Variants in CCNY observed in about 807,000 individuals in gnomAD.
CCNY encodes the protein cyclin Y.
In CCNY, 19 loss-of-function variants were observed where a neutral mutation model predicts 42.8. The ratio of observed to expected loss-of-function variants is 0.44; its 90% CI spans 0.31 to 0.65. The LOEUF (loss-of-function observed/expected upper bound fraction) is 0.65, where lower values mean the gene tolerates loss of function less well. Ranked by LOEUF, CCNY falls within the 30% of genes least tolerant of loss-of-function variation. The pLI, the probability that CCNY is intolerant of heterozygous loss-of-function variation, is 0.07. For synonymous variants in CCNY, 165 were observed against 162.7 expected, an observed-to-expected ratio of 1.01 and a Z score of -0.11; for missense variants, 370 against 437.3, an observed-to-expected ratio of 0.85 and a Z score of 1.37.
intron 3 of CCNY, among the ~76,000 whole-genome samples, chr10:35,331,032 T>A (rs1835937827): frequency 6.6e-6 from 1 of 152,246 alleles, no homozygotes; most frequent in South Asian, 2.1e-4. Context: ...GTGCTAGGAT[T>A]ACAGGCGTGA....
At chr10:35,275,903 T>C (rs534754531) in intron 3 of CCNY, among the ~76,000 whole-genome samples, 1 of 152,222 alleles carries the variant, frequency 6.6e-6, no homozygotes, top group Non-Finnish European at 1.5e-5. Context: ...AGGGAAGGCA[T>C]GGTGATGCTT....
chr10:35,274,736 C>T (rs1403041123), intron 3 of CCNY, among the ~76,000 whole-genome samples: 2 of 152,126 alleles, frequency 1.3e-5, no homozygotes, highest in South Asian at 4.1e-4. Context: ...TGTTTCGTGT[C>T]CCATGTGAAT....
chr10:35,335,386 T>A (rs1327976351), upstream of CCNY, among the ~76,000 whole-genome samples: 1 of 152,032 alleles, frequency 6.6e-6, no homozygotes, highest in Admixed American at 6.6e-5. Flanking sequence ...TAGTTTTCTA[T>A]CTCATGTTAA....
intron 3 of CCNY, among the ~76,000 whole-genome samples, chr10:35,303,819 AG>A (rs1318126933): frequency 4.1e-4 from 62 of 150,824 alleles, no homozygotes; most frequent in South Asian, 1.9e-3. Flanking sequence ...GAAGGAAGGA[AG>A]GAAAGAAGGA....
At chr10:35,357,109 TCACCCC>T (rs1424075531) in intron 1 of CCNY, among the ~76,000 whole-genome samples, 13 of 55,212 alleles carry the variant, frequency 2.4e-4, no homozygotes, top group African/African-American at 1.3e-3. Context: ...GCATCCCGCA[TCACCCC>T]GCATCACCTG....
chr10:35,347,792 C>T (rs1836338361), intron 1 of CCNY, among the ~76,000 whole-genome samples: 2 of 152,052 alleles, frequency 1.3e-5, no homozygotes, highest in South Asian at 4.2e-4. Flanking sequence ...TTATTGGATA[C>T]ATTTATTCCA....
chr10:35,259,830 T>A (rs543200107), intron 3 of CCNY, among the ~76,000 whole-genome samples: 1 of 151,820 alleles, frequency 6.6e-6, no homozygotes, highest in South Asian at 2.1e-4. Context: ...ATTTTTTTTT[T>A]AATGTAGAAA....
intron 1 of CCNY, among the ~76,000 whole-genome samples, chr10:35,448,545 T>G (rs1029933081): frequency 6.6e-6 from 1 of 152,140 alleles, no homozygotes; most frequent in Non-Finnish European, 1.5e-5. Flanking sequence ...TGTTAGGTAT[T>G]AGGACAGTGC....
chr10:35,442,177 TAGG>T (rs1838685120), intron 1 of CCNY, among the ~76,000 whole-genome samples: 1 of 152,224 alleles, frequency 6.6e-6, no homozygotes, highest in African/African-American at 2.4e-5. Flanking sequence ...TCCTGATGTG[TAGG>T]GCCCTGTTTG....
chr10:35,316,192 A>C (rs2135091019), intron 3 of CCNY: 1 of 152,350 alleles, frequency 6.6e-6, no homozygotes, highest in South Asian at 2.1e-4. Context: ...CTGCCTGCCT[A>C]GCAGTGTACT....
intron 1 of CCNY, among the ~76,000 whole-genome samples, chr10:35,355,928 G>A (rs1318579811): frequency 6.6e-6 from 1 of 151,080 alleles, no homozygotes; most frequent in Non-Finnish European, 1.5e-5. Context: ...TTTTTTAGCA[G>A]CTTATGTAAC....
chr10:35,286,547 C>T (rs771637790), intron 3 of CCNY, among the ~76,000 whole-genome samples: 1 of 151,590 alleles, frequency 6.6e-6, no homozygotes, highest in African/African-American at 2.4e-5. Context: ...TTAGTAGAGA[C>T]AGGGTTTCGC....
chr10:35,297,524 C>T (rs1245954945), intron 3 of CCNY, among the ~76,000 whole-genome samples: 1 of 152,122 alleles, frequency 6.6e-6, no homozygotes, highest in Non-Finnish European at 1.5e-5. Context: ...AAATAAAAGG[C>T]ATCCAAATAG....
chr10:35,301,000 G>T (rs907416216), intron 3 of CCNY, among the ~76,000 whole-genome samples: 1 of 152,074 alleles, frequency 6.6e-6, no homozygotes. Context: ...TAGAGACGAG[G>T]TTTCACCATG....
At chr10:35,251,623 C>T (rs370555181) in intron 3 of CCNY, among the ~76,000 whole-genome samples, 7 of 148,732 alleles carry the variant, frequency 4.7e-5, no homozygotes, top group African/African-American at 1.7e-4. Flanking sequence ...GGATCTCGCT[C>T]TGTCATGCAG....
At chr10:35,548,535 A>G (rs933517953) in intron 7 of CCNY, among the ~76,000 whole-genome samples, 7 of 152,086 alleles carry the variant, frequency 4.6e-5, no homozygotes, top group African/African-American at 1.7e-4. Flanking sequence ...TGACCTTGTG[A>G]TCTGCCCACC....
chr10:35,372,404 A>G (rs1392577142), intron 1 of CCNY, among the ~76,000 whole-genome samples: 1 of 152,172 alleles, frequency 6.6e-6, no homozygotes, highest in Non-Finnish European at 1.5e-5. Flanking sequence ...GTGAATCCTT[A>G]GACGATTCAC....
chr10:35,474,736 G>A (rs1268354534), intron 1 of CCNY, among the ~76,000 whole-genome samples: 1 of 152,172 alleles, frequency 6.6e-6, no homozygotes, highest in African/African-American at 2.4e-5. Flanking sequence ...AAAAATCAGA[G>A]CGCCTCTCCT....
At chr10:35,534,218 G>T (rs922929933) in intron 7 of CCNY, among the ~76,000 whole-genome samples, 4 of 152,010 alleles carry the variant, frequency 2.6e-5, no homozygotes, top group African/African-American at 9.7e-5. Flanking sequence ...AGAGAAGGGG[G>T]TTTCACCATG....
Sources: gnomAD v4.1 joint callset for allele counts (sites outside exome capture counted in the v4.1 genomes callset) on GRCh38, gnomAD v4.1.1 for gene constraint, MANE v1.5 for transcripts, NCBI Gene and HGNC (gene_info 2026-07-23, HGNC 2026-07-21) for gene names.